Variants in ARSK observed in about 807,000 individuals in gnomAD.
ARSK encodes arylsulfatase family member K.
A neutral mutation model predicts 53.2 loss-of-function variants in ARSK; 37 were observed. That is an observed-to-expected ratio of 0.70 (90% CI 0.54 to 0.92). The LOEUF (loss-of-function observed/expected upper bound fraction) is 0.92. ARSK is among the 40% of genes least tolerant of loss of function. ARSK has a pLI of 0.00. For synonymous variants in ARSK, 208 were observed against 223.2 expected (o/e 0.93, Z 0.61); for missense variants, 613 against 643.0 (o/e 0.95, Z 0.51).
rs971688532 is a variant in ARSK at position 95,574,211 on chromosome 5, G to A, written c.416+6162G>A. ...TTTTATAGCTGAATAGTACTCCATT[G>A]TGTATATGTACCACATTTTCTTTAT... is the stretch of plus-strand genomic sequence containing the variant. On this transcript the variant is annotated intron_variant, in intron 3 of 7. Coordinates refer to ENST00000380009, the MANE Select transcript of ARSK (RefSeq NM_198150.3). Among the ~76,000 whole-genome samples the A allele has an allele frequency of 3.4e-4, 51 of 152,192 alleles. 1 individual carries two copies. The highest frequency in any genetic ancestry group is 3.3e-3 in the Admixed American group (50 of 15,298).
chr5:95,583,651 A>G (rs138948955), intron 4 of ARSK, among the ~76,000 whole-genome samples: 135 of 152,326 alleles, frequency 8.9e-4, no homozygotes, highest in African/African-American at 3.2e-3. Context: ...TAATATTTAT[A>G]TAGTGCACTA....
chr5:95,576,643 G>A (rs889705748), intron 3 of ARSK, among the ~76,000 whole-genome samples: 1 of 151,868 alleles, frequency 6.6e-6, no homozygotes, highest in Admixed American at 6.6e-5. Flanking sequence ...CCAGCACTTT[G>A]GGAGGCCAAG....
intron 5 of ARSK, among the ~76,000 whole-genome samples, chr5:95,589,293 A>T (rs942957983): frequency 3.3e-5 from 5 of 152,220 alleles, no homozygotes; most frequent in Admixed American, 3.3e-4. Context: ...TTTTATTTTA[A>T]GTTCCAGGGT....
chr5:95,586,029 A>T (rs1255592137), intron 4 of ARSK, among the ~76,000 whole-genome samples: 1 of 152,198 alleles, frequency 6.6e-6, no homozygotes. Flanking sequence ...TGAAAGTTAC[A>T]TGACTAAAAT....
intron 1 of ARSK, chr5:95,556,147 G>A (rs1748500556): frequency 1.4e-6 from 1 of 699,724 alleles, no homozygotes; most frequent in South Asian, 1.5e-5. Flanking sequence ...AGATGTTGGT[G>A]TTAAGCATAT....
intron 4 of ARSK, among the ~76,000 whole-genome samples, chr5:95,584,716 A>G (rs1213156850): frequency 6.6e-6 from 1 of 152,176 alleles, no homozygotes; most frequent in Non-Finnish European, 1.5e-5. Flanking sequence ...AAATCCCATC[A>G]AAAAGTGGGC....
At chr5:95,559,718 C>CA (rs976511180) in intron 1 of ARSK, among the ~76,000 whole-genome samples, 1 of 151,218 alleles carries the variant, frequency 6.6e-6, no homozygotes, top group African/African-American at 2.4e-5. Flanking sequence ...AAGGCATCTA[C>CA]AAAAAAAGCC....
At chr5:95,602,494 A>G (rs886775566) in intron 7 of ARSK, among the ~76,000 whole-genome samples, 5 of 152,172 alleles carry the variant, frequency 3.3e-5, no homozygotes, top group African/African-American at 1.2e-4. Context: ...CCTCTTGGCT[A>G]CTGCACTTAA....
chr5:95,564,223 C>T (rs1445094443), intron 1 of ARSK, among the ~76,000 whole-genome samples: 1 of 152,040 alleles, frequency 6.6e-6, no homozygotes, highest in Non-Finnish European at 1.5e-5. Flanking sequence ...GGTGATCTGC[C>T]TGCCTCAGCC....
intron 7 of ARSK, 136 bp downstream of exon 7, chr5:95,601,207 AG>A (rs1749398019): frequency 2.3e-6 from 2 of 886,638 alleles, no homozygotes; most frequent in East Asian, 5.3e-5. Context: ...GATCTACAAA[AG>A]GTTGCCCATG....
At chr5:95,598,477 T>C (rs1749347519) in intron 6 of ARSK, among the ~76,000 whole-genome samples, 1 of 152,178 alleles carries the variant, frequency 6.6e-6, no homozygotes, top group African/African-American at 2.4e-5. Context: ...GTTTTATCAA[T>C]TTACAAAGGT....
intron 3 of ARSK, among the ~76,000 whole-genome samples, chr5:95,569,856 T>A (rs1038458583): frequency 1.3e-5 from 2 of 152,240 alleles, no homozygotes; most frequent in African/African-American, 4.8e-5. Flanking sequence ...TTCCCTTTTC[T>A]GTCCTCCAAA....
At position 95,586,619 on chromosome 5, in the gene ARSK, G is replaced by A; in HGVS notation, c.757G>A (p.Val253Ile). The A allele has an allele frequency of 1.9e-6, 3 of 1,612,330 alleles. No individual in the cohort carries two copies. Among genetic ancestry groups the A allele is most frequent in the Middle Eastern group, 1.7e-4 (1 of 6,056 alleles). Residue 253 changes from valine (V) to isoleucine (I), a missense_variant, in exon 5 of 8, where the codon GTA becomes ATA. Coordinates refer to ENST00000380009, the MANE Select transcript of ARSK (RefSeq NM_198150.3). ...KWSPLSEMHPVDYYSSYTKNC... is the reference protein window; with the variant it reads ...KWSPLSEMHPIDYYSSYTKNC... ...GTCACCTTTGTCAGAAATGCACCCT[G>A]TAGATTATTACTCTTCTTATACAAA...
chr5:95,565,961 A>C (rs1309832426), intron 1 of ARSK, 37 bp from the exon 2 acceptor site: 2 of 1,548,976 alleles, frequency 1.3e-6, no homozygotes, highest in East Asian at 4.6e-5. Context: ...CTTCTTTGGT[A>C]ATGTAATCAA....
chr5:95,603,417 A>G lies in ARSK; in HGVS notation c.1502A>G (p.Asn501Ser), dbSNP rs760873951. 5 of 1,613,846 alleles carry G rather than the reference A, an allele frequency of 3.1e-6. No individual in the cohort carries two copies. In the Admixed American group the frequency reaches 8.3e-5, roughly 27 times the overall value. ...WKQSIGQNYSNVIANLRWHQD... is the reference protein window; with the variant it reads ...WKQSIGQNYSSVIANLRWHQD... The stretch of plus-strand genomic sequence containing the variant: ...CAAAGTATAGGACAGAATTATTCAA[A>G]CGTTATAGCAAATCTTAGGTGGCAC... Residue 501 changes from asparagine (N) to serine (S), a missense_variant, in exon 8 of 8, where the codon AAC (asparagine) becomes AGC (serine). By Grantham distance (46) the Asn-to-Ser change is conservative. Coordinates refer to ENST00000380009, the MANE Select transcript of ARSK (RefSeq NM_198150.3).
chr5:95,567,793 G>C, intron 2 of ARSK, 97 bp from the exon 3 acceptor site: 1 of 1,221,492 alleles, frequency 8.2e-7, no homozygotes, highest in Non-Finnish European at 1.1e-6. Context: ...CAGAGCATAA[G>C]CTCTTCACTA....
chr5:95,563,661 A>G (rs376645895), intron 1 of ARSK, among the ~76,000 whole-genome samples: 1 of 152,218 alleles, frequency 6.6e-6, no homozygotes, highest in South Asian at 2.1e-4. Flanking sequence ...TTAGTTATTG[A>G]TATGCTGCAG....
intron 4 of ARSK, 58 bp downstream of exon 4, chr5:95,583,256 T>G: frequency 7.4e-7 from 1 of 1,347,510 alleles, no homozygotes; most frequent in South Asian, 2.1e-5. Flanking sequence ...CTTATTGGTA[T>G]TTGCTCATTG....
intron 5 of ARSK, among the ~76,000 whole-genome samples, chr5:95,588,022 T>C (rs1180828720): frequency 2.0e-5 from 3 of 152,218 alleles, no homozygotes; most frequent in African/African-American, 4.8e-5. Flanking sequence ...TTGTATTTCA[T>C]TGATATTCTC....
Sources: gnomAD v4.1 joint callset for allele counts (sites outside exome capture counted in the v4.1 genomes callset) on GRCh38, gnomAD v4.1.1 for gene constraint, MANE v1.5 for transcripts, NCBI Gene and HGNC (gene_info 2026-07-23, HGNC 2026-07-21) for gene names.